The following RANBP17 variants were observed in gnomAD, a reference collection of about 807,000 sequenced individuals.
The protein encoded by RANBP17 is RAN binding protein 17, also known as ran-binding protein 17.
A neutral mutation model predicts 141.2 loss-of-function variants in RANBP17; 158 were observed. The observed-to-expected ratio is 1.12, with a 90% CI of 0.98 to 1.28. The LOEUF (loss-of-function observed/expected upper bound fraction) is 1.28, where lower values mean the gene tolerates loss of function less well. RANBP17 is among the 50% of genes most tolerant of loss of function. The pLI, the probability that RANBP17 is intolerant of heterozygous loss-of-function variation, is 0.00. For synonymous variants in RANBP17, 430 were observed against 450.0 expected (o/e 0.96, Z 0.56); for missense variants, 1,438 against 1,290.7 (o/e 1.11, Z -1.75).
At chr5:170,925,333 TAA>T (rs1772832659) in intron 12 of RANBP17, among the ~76,000 whole-genome samples, 1 of 152,186 alleles carries the variant, frequency 6.6e-6, no homozygotes, top group Non-Finnish European at 1.5e-5. Context: ...CATCTTGCGT[TAA>T]GTCACACAGT....
At chr5:171,003,326 C>G (rs1779357296) in intron 14 of RANBP17, among the ~76,000 whole-genome samples, 1 of 152,136 alleles carries the variant, frequency 6.6e-6, no homozygotes, top group Non-Finnish European at 1.5e-5. Flanking sequence ...GATTTAGGAT[C>G]TATAGGGTCA....
At chr5:170,957,850 G>A (rs1775840000) in intron 13 of RANBP17, among the ~76,000 whole-genome samples, 1 of 152,170 alleles carries the variant, frequency 6.6e-6, no homozygotes, top group African/African-American at 2.4e-5. Context: ...ATTTGAAAAA[G>A]CCTCTCTAAA....
At chr5:171,048,017 T>A (rs1451012752) in intron 14 of RANBP17, among the ~76,000 whole-genome samples, 7 of 152,194 alleles carry the variant, frequency 4.6e-5, no homozygotes, top group Admixed American at 6.5e-5. Context: ...TGGGCTATCT[T>A]TTTTCCTTTT....
At chr5:171,117,376 T>A (rs1755711488) in intron 14 of RANBP17, among the ~76,000 whole-genome samples, 1 of 152,228 alleles carries the variant, frequency 6.6e-6, no homozygotes, top group Non-Finnish European at 1.5e-5. Flanking sequence ...GATGAAATGA[T>A]GATATTTCAT....
intron 14 of RANBP17, among the ~76,000 whole-genome samples, chr5:171,058,561 T>G (rs951761859): frequency 2.6e-5 from 4 of 151,714 alleles, no homozygotes; most frequent in Admixed American, 2.6e-4. Context: ...CAGTCTATCA[T>G]TGTTGGACAT....
chr5:170,972,339 G>A (rs1179506216), intron 14 of RANBP17, among the ~76,000 whole-genome samples: 3 of 151,770 alleles, frequency 2.0e-5, no homozygotes, highest in Non-Finnish European at 4.4e-5. Flanking sequence ...GCACCACCGC[G>A]CCTGGCTAAT....
intron 25 of RANBP17, chr5:171,271,630 T>C (rs916387007): frequency 9.6e-6 from 2 of 208,928 alleles, no homozygotes; most frequent in Non-Finnish European, 9.7e-6. Context: ...CCATTAGCTC[T>C]CTCTGGTTGA....
In RANBP17 at chr5:170,967,985, A is replaced by G. The variant is rs565494769; in HGVS notation, c.1575-257A>G. Reference sequence around the variant, plus strand: ...CAGTTTTTAGTAAAATAATATCTGTATATACATACAGAGTTTTGCATCTAT... The same window carrying G: ...CAGTTTTTAGTAAAATAATATCTGTGTATACATACAGAGTTTTGCATCTAT... On this transcript the variant is annotated intron_variant, in intron 13 of 27. Transcript: ENST00000523189. 9.2e-5 allele frequency among the ~76,000 whole-genome samples: 14 copies of G among 151,974 alleles called. No individual in the cohort carries two copies. In the East Asian group the frequency reaches 2.7e-3, roughly 29 times the overall value.
intron 14 of RANBP17, among the ~76,000 whole-genome samples, chr5:171,014,354 A>G (rs2127594200): frequency 1.3e-5 from 2 of 152,048 alleles, no homozygotes; most frequent in Non-Finnish European, 2.9e-5. Flanking sequence ...GATTTAATCT[A>G]CTGTTTTCCC....
intron 14 of RANBP17, among the ~76,000 whole-genome samples, chr5:171,104,753 C>T (rs1264087886): frequency 1.3e-5 from 2 of 152,170 alleles, no homozygotes; most frequent in Non-Finnish European, 2.9e-5. Context: ...ATAATACTTA[C>T]CTTATAGGTC....
At chr5:170,980,913 G>T (rs952755806) in intron 14 of RANBP17, among the ~76,000 whole-genome samples, 6 of 152,240 alleles carry the variant, frequency 3.9e-5, no homozygotes, top group African/African-American at 1.4e-4. Context: ...AAAAGCCATC[G>T]CCAGCCTGTG....
At chr5:170,904,902 C>A (rs768414609) in intron 5 of RANBP17, among the ~76,000 whole-genome samples, 12 of 151,948 alleles carry the variant, frequency 7.9e-5, no homozygotes, top group Non-Finnish European at 1.6e-4. Context: ...TGTGTAATAC[C>A]ACTAACTATT....
At chr5:170,962,677 C>T (rs1021683196) in intron 13 of RANBP17, among the ~76,000 whole-genome samples, 5 of 152,046 alleles carry the variant, frequency 3.3e-5, no homozygotes, top group African/African-American at 1.2e-4. Context: ...AGAAGATAAA[C>T]GTATCACACA....
At chr5:171,058,937 TC>T (rs1407467780) in intron 14 of RANBP17, among the ~76,000 whole-genome samples, 83 of 152,222 alleles carry the variant, frequency 5.5e-4, no homozygotes, top group African/African-American at 2.0e-3. Flanking sequence ...TTTTCATGTG[TC>T]TTTTGGCTGC....
intron 5 of RANBP17, among the ~76,000 whole-genome samples, chr5:170,906,205 T>A (rs374052455): frequency 1.3e-5 from 2 of 152,058 alleles, no homozygotes; most frequent in Non-Finnish European, 2.9e-5. Flanking sequence ...TTATAAACAC[T>A]CTTTCTAGCA....
chr5:171,119,609 A>T (rs1481354223), intron 14 of RANBP17, among the ~76,000 whole-genome samples: 10 of 152,126 alleles, frequency 6.6e-5, no homozygotes, highest in Non-Finnish European at 1.5e-4. Context: ...CCCATTCCAG[A>T]TGATACTAGC....
intron 14 of RANBP17, among the ~76,000 whole-genome samples, chr5:171,033,534 T>C (rs868431219): frequency 6.6e-6 from 1 of 152,172 alleles, no homozygotes; most frequent in South Asian, 2.1e-4. Flanking sequence ...GAGGTTATTG[T>C]TGCTTTGGCT....
In RANBP17 at chr5:170,978,829, G is replaced by A. The variant is rs974830420; in HGVS notation, c.1710+10452G>A. The stretch of plus-strand genomic sequence containing the variant: ...AGACACTGAGCTCATATTATGATTT[G>A]TGCACTTCATATTTTGCCTCAATTA... On this transcript the variant is annotated intron_variant, in intron 14 of 27. Coordinates refer to ENST00000523189, the MANE Select transcript of RANBP17 (RefSeq NM_022897.5). 2.6e-5 allele frequency among the ~76,000 whole-genome samples: 4 copies of A among 151,974 alleles called. No homozygotes were observed. In the East Asian group the frequency reaches 7.7e-4, roughly 29 times the overall value.
intron 24 of RANBP17, chr5:171,252,424 G>A: frequency 6.6e-7 from 1 of 1,514,966 alleles, no homozygotes; most frequent in Non-Finnish European, 9.2e-7. Flanking sequence ...CCTGTCTGTT[G>A]ACGTGGAACA....
Sources: allele counts gnomAD v4.1 joint callset (sites outside exome capture counted in the v4.1 genomes callset), GRCh38; gene constraint gnomAD v4.1.1; transcripts MANE v1.5; gene names NCBI Gene and HGNC (gene_info 2026-07-23, HGNC 2026-07-21).